The following ADAMTS16 variants were observed in gnomAD, a reference collection of about 807,000 sequenced individuals.
ADAMTS16 encodes A disintegrin and metalloproteinase with thrombospondin motifs 16.
A neutral mutation model predicts 145.8 loss-of-function variants in ADAMTS16; 94 were observed. The observed-to-expected ratio is 0.64, with a 90% confidence interval of 0.55 to 0.77. ADAMTS16 has a LOEUF of 0.77. Ranked by LOEUF, ADAMTS16 falls within the 30% of genes least tolerant of loss-of-function variation. The probability of loss-of-function intolerance (pLI) is 0.00; values close to 1 mark genes in which losing one functional copy is unlikely to be tolerated. For synonymous variants in ADAMTS16, 659 were observed against 604.3 expected (o/e 1.09, Z -1.33); for missense variants, 1,585 against 1,591.5 (o/e 1.00, Z 0.07).
At chr5:5,288,333 T>A (rs139273879) in intron 18 of ADAMTS16, among the ~76,000 whole-genome samples, 1 of 152,186 alleles carries the variant, frequency 6.6e-6, no homozygotes, top group South Asian at 2.1e-4. Flanking sequence ...ATGTTACTCA[T>A]GAAATGTTTA....
chr5:5,295,032 A>T (rs1359303619), intron 18 of ADAMTS16, among the ~76,000 whole-genome samples: 3 of 152,252 alleles, frequency 2.0e-5, no homozygotes, highest in Non-Finnish European at 2.9e-5. Context: ...CACATACCTG[A>T]AACATTTATT....
intron 10 of ADAMTS16, among the ~76,000 whole-genome samples, chr5:5,221,605 C>T (rs1269638317): frequency 6.6e-6 from 1 of 152,218 alleles, no homozygotes; most frequent in African/African-American, 2.4e-5. Flanking sequence ...TACTTGTTAA[C>T]ATTTCAAGCT....
intron 14 of ADAMTS16, among the ~76,000 whole-genome samples, chr5:5,237,375 C>A (rs1217512943): frequency 6.6e-6 from 1 of 152,158 alleles, no homozygotes; most frequent in East Asian, 1.9e-4. Flanking sequence ...CATCCACATC[C>A]AAGCTAGATC....
chr5:5,296,302 G>A (rs1739526942), intron 18 of ADAMTS16, among the ~76,000 whole-genome samples: 1 of 152,208 alleles, frequency 6.6e-6, no homozygotes. Context: ...CCACAGAGGA[G>A]CTCAGATGGG....
rs1734210251 is a variant in ADAMTS16, at chr5:5,319,703, C to A, written c.*565C>A. 5.6e-6 allele frequency: 2 copies of A among 357,998 alleles called. No homozygotes were observed. Among genetic ancestry groups the A allele is most frequent in the Non-Finnish European group, 1.1e-5 (2 of 184,390 alleles). The allele number at this position is 357,998 out of a possible 1,614,324, so 22.2% of individuals were successfully genotyped here. A position where few individuals can be genotyped will look rare whatever the true frequency, so the allele number is the denominator to read the frequency against. ...GCGGCCGAGCATCTCTTACCAGGAA[C>A]CTGGAGCCACCGCCGGAGCCAGCGT... is the stretch of plus-strand genomic sequence containing the variant. On this transcript the variant is annotated 3_prime_UTR_variant, in exon 23 of 23. Coordinates refer to ENST00000274181, the MANE Select transcript of ADAMTS16 (RefSeq NM_139056.4).
intron 17 of ADAMTS16, 55 bp downstream of exon 17, chr5:5,242,246 C>A (rs531842175): frequency 8.8e-5 from 141 of 1,597,942 alleles, no homozygotes; most frequent in Non-Finnish European, 1.1e-4. Flanking sequence ...TCAGCCACTG[C>A]GTACATTGCA....
intron 18 of ADAMTS16, among the ~76,000 whole-genome samples, chr5:5,294,727 A>C (rs549131668): frequency 1.3e-5 from 2 of 152,320 alleles, no homozygotes; most frequent in Admixed American, 1.3e-4. Context: ...GGAAAATTGG[A>C]AAGCCGAGTC....
rs1740384741 is a variant in ADAMTS16 at position 5,310,612 on chromosome 5, G to A, written c.3411+3884G>A. Among the ~76,000 whole-genome samples the A allele has an allele frequency of 6.6e-6, 1 of 152,132 alleles. No individual in the cohort carries two copies. Among genetic ancestry groups the A allele is most frequent in the African/African-American group, 2.4e-5 (1 of 41,412 alleles). Reference sequence around the variant, plus strand: ...CACTGGCTGTGTGATGGGTGACAGAGGCAGGCATCGGAGTGGTGCCCATAT... The same window carrying A: ...CACTGGCTGTGTGATGGGTGACAGAAGCAGGCATCGGAGTGGTGCCCATAT... On this transcript the variant is annotated intron_variant, in intron 21 of 22. Coordinates refer to ENST00000274181, the MANE Select transcript of ADAMTS16 (RefSeq NM_139056.4). This position sits in a 1 kb window ranked among gnomAD's most constrained non-coding sequence, Gnocchi z 4.3.
intron 18 of ADAMTS16, among the ~76,000 whole-genome samples, chr5:5,296,897 A>T (rs114374247): frequency 0.022 from 3,409 of 152,290 alleles, 122 homozygotes; most frequent in African/African-American, 0.078. Context: ...AGCAAAGGTA[A>T]TTGTAGTAGA....
chr5:5,204,115 T>C (rs1242396015), intron 9 of ADAMTS16, among the ~76,000 whole-genome samples: 2 of 152,192 alleles, frequency 1.3e-5, no homozygotes, highest in Admixed American at 6.5e-5. Flanking sequence ...AGTTCATGTC[T>C]TGTTCACGCA....
At chr5:5,166,230 GC>G (rs1245292776) in intron 3 of ADAMTS16, among the ~76,000 whole-genome samples, 1 of 145,934 alleles carries the variant, frequency 6.9e-6, no homozygotes, top group Admixed American at 6.8e-5. Context: ...CTCTCCCCCT[GC>G]CCCACTCACC....
chr5:5,183,061 A>G (rs1406840000), intron 4 of ADAMTS16, among the ~76,000 whole-genome samples: 1 of 152,190 alleles, frequency 6.6e-6, no homozygotes, highest in Non-Finnish European at 1.5e-5. Context: ...AATCTCGTTG[A>G]ATGAGTGAAC....
intron 9 of ADAMTS16, among the ~76,000 whole-genome samples, chr5:5,201,925 T>C (rs1347037436): frequency 1.3e-5 from 2 of 152,182 alleles, no homozygotes; most frequent in Non-Finnish European, 2.9e-5. Flanking sequence ...TTTTGTTTTC[T>C]TTCTTCCTTT....
intron 8 of ADAMTS16, among the ~76,000 whole-genome samples, chr5:5,199,826 A>T (rs1002899904): frequency 1.3e-5 from 2 of 152,124 alleles, no homozygotes; most frequent in African/African-American, 4.8e-5. Context: ...AGCTACATAG[A>T]GCAGTGTTAG....
chr5:5,284,944 C>T (rs2126478009), intron 18 of ADAMTS16, among the ~76,000 whole-genome samples: 1 of 152,202 alleles, frequency 6.6e-6, no homozygotes, highest in East Asian at 1.9e-4. Context: ...CTCTGGCGCA[C>T]TTATTCTGAG....
chr5:5,293,091 G>A (rs1739396643), intron 18 of ADAMTS16, among the ~76,000 whole-genome samples: 1 of 152,254 alleles, frequency 6.6e-6, no homozygotes, highest in South Asian at 2.1e-4. Context: ...GGGCACCTTG[G>A]CAGGCCATTT....
chr5:5,248,585 T>C (rs1173930547), intron 17 of ADAMTS16, among the ~76,000 whole-genome samples: 1 of 152,236 alleles, frequency 6.6e-6, no homozygotes, highest in African/African-American at 2.4e-5. Context: ...AGTTAAGTGA[T>C]TGTAAGTACT....
Position 5,319,440 on chromosome 5 carries a change from C to A in ADAMTS16, c.*302C>A, listed in dbSNP as rs1299215744. 2 of 399,248 alleles carry A rather than the reference C, an allele frequency of 5.0e-6. No homozygotes were observed. Among genetic ancestry groups the A allele is most frequent in the African/African-American group, 4.1e-5 (2 of 48,736 alleles). The allele number at this position is 399,248 out of a possible 1,614,324, so 24.7% of individuals were successfully genotyped here. ...CGGGAGAGGCAGCACTCACCCCTGC[C>A]TGTTGCAGCTAAATCAAGTCAAAAA... On this transcript the variant is annotated 3_prime_UTR_variant, in exon 23 of 23. Coordinates refer to ENST00000274181, the MANE Select transcript of ADAMTS16 (RefSeq NM_139056.4).
At position 5,306,722 on chromosome 5, in the gene ADAMTS16, G is replaced by T; in HGVS notation, c.3405G>T (p.Trp1135Cys). 2 of 1,607,270 alleles carry T rather than the reference G, an allele frequency of 1.2e-6. No homozygotes were observed. Among genetic ancestry groups the T allele is most frequent in the Non-Finnish European group, 1.7e-6 (2 of 1,176,714 alleles). ...PSRGSWFASP[W>C]SQCTASCGGG... is the part of the protein sequence containing the mutation. ...GGGGCAGCTGGTTTGCCTCACCCTGGTCTCAGGTAGGGGAGGCCCTCGGTT... is the reference window on the plus strand; with the variant it reads ...GGGGCAGCTGGTTTGCCTCACCCTGTTCTCAGGTAGGGGAGGCCCTCGGTT... The change falls in exon 21 of 23, where the codon TGG (tryptophan) becomes TGT (cysteine). Residue 1135 changes from tryptophan to cysteine, a missense_variant. Coordinates refer to ENST00000274181, the MANE Select transcript of ADAMTS16 (RefSeq NM_139056.4).
Sources: gnomAD v4.1 joint callset for allele counts (sites outside exome capture counted in the v4.1 genomes callset) on GRCh38, gnomAD v4.1.1 for gene constraint, Gnocchi (gnomAD v3.1) non-coding constraint, MANE v1.5 for transcripts, NCBI Gene and HGNC (gene_info 2026-07-23, HGNC 2026-07-21) for gene names.